The following CATSPERB variants were observed in gnomAD, a reference collection of about 807,000 sequenced individuals.
CATSPERB encodes the protein cation channel sperm-associated auxiliary subunit beta.
A neutral mutation model predicts 128.3 loss-of-function variants in CATSPERB; 93 were observed. That is an observed-to-expected ratio of 0.72 (90% CI 0.61 to 0.86). CATSPERB has a LOEUF of 0.86. CATSPERB is among the 40% of genes least tolerant of loss of function. The pLI is 0.00. For missense variants in CATSPERB, 1,153 were observed against 1,329.5 expected, an observed-to-expected ratio of 0.87 and a Z score of 2.06; for synonymous variants, 381 against 448.8, an observed-to-expected ratio of 0.85 and a Z score of 1.91.
chr14:91,648,708 C>T (rs1469974282), intron 15 of CATSPERB, among the ~76,000 whole-genome samples: 2 of 152,186 alleles, frequency 1.3e-5, no homozygotes, highest in Non-Finnish European at 2.9e-5. Flanking sequence ...ATGAACATTA[C>T]TGCCTCTGCT....
chr14:91,625,867 G>A (rs553845977), intron 17 of CATSPERB, among the ~76,000 whole-genome samples: 39 of 152,174 alleles, frequency 2.6e-4, no homozygotes, highest in Non-Finnish European at 4.6e-4. Context: ...GGCTCACACC[G>A]GTAATCCCAG....
chr14:91,663,719 C>T (rs1894929138), intron 14 of CATSPERB, among the ~76,000 whole-genome samples: 1 of 150,642 alleles, frequency 6.6e-6, no homozygotes, highest in South Asian at 2.1e-4. Flanking sequence ...TTTTCTAGGT[C>T]ATAATACAAG....
chr14:91,653,668 T>C (rs1894744212), intron 15 of CATSPERB, among the ~76,000 whole-genome samples: 1 of 152,126 alleles, frequency 6.6e-6, no homozygotes, highest in East Asian at 1.9e-4. Context: ...TTCACTATCA[T>C]GAGAATAGCA....
chr14:91,699,851 G>A (rs1342978712), intron 7 of CATSPERB, among the ~76,000 whole-genome samples: 1 of 151,690 alleles, frequency 6.6e-6, no homozygotes, highest in Non-Finnish European at 1.5e-5. Context: ...GGGATTACAG[G>A]CATGAGTCAC....
At chr14:91,663,169 G>C in intron 14 of CATSPERB, among the ~76,000 whole-genome samples, 1 of 152,004 alleles carries the variant, frequency 6.6e-6, no homozygotes, top group East Asian at 1.9e-4. Context: ...GTGAAGTTAA[G>C]AGACTCTGTG....
At chr14:91,715,140 T>C (rs1203740884) in intron 5 of CATSPERB, 1 of 152,134 alleles carries the variant, frequency 6.6e-6, no homozygotes, top group Non-Finnish European at 1.5e-5. Context: ...TGGTATACTT[T>C]TTTTTTTATG....
At chr14:91,591,824 A>G in intron 23 of CATSPERB, 68 bp downstream of exon 23, 1 of 1,052,970 alleles carries the variant, frequency 9.5e-7, no homozygotes, top group South Asian at 1.3e-5. Flanking sequence ...TGTTTAACCT[A>G]AAGGCACATT....
At chr14:91,702,315 A>G (rs529728484) in intron 7 of CATSPERB, among the ~76,000 whole-genome samples, 1 of 151,846 alleles carries the variant, frequency 6.6e-6, no homozygotes, top group Admixed American at 6.6e-5. Context: ...ATATGACAGC[A>G]GAGAGTGGAA....
chr14:91,605,388 G>T (rs780762383), intron 22 of CATSPERB: 1 of 564,298 alleles, frequency 1.8e-6, no homozygotes, highest in Non-Finnish European at 3.1e-6. Context: ...GTGGCTTTAA[G>T]ACTTTTTTCT....
intron 13 of CATSPERB, 131 bp from the exon 14 acceptor site, chr14:91,670,103 G>A (rs1895061938): frequency 1.3e-6 from 1 of 791,326 alleles, no homozygotes; most frequent in Non-Finnish European, 2.0e-6. Flanking sequence ...AGGATTAGCA[G>A]TAATTGTTAC....
At chr14:91,600,374 G>T (rs928624441) in intron 22 of CATSPERB, among the ~76,000 whole-genome samples, 1 of 152,172 alleles carries the variant, frequency 6.6e-6, no homozygotes, top group Non-Finnish European at 1.5e-5. Context: ...AAGACGTTGA[G>T]TATCTTTTCA....
chr14:91,645,775 G>A (rs1241707396), intron 15 of CATSPERB, among the ~76,000 whole-genome samples: 4 of 147,282 alleles, frequency 2.7e-5, no homozygotes, highest in Admixed American at 1.4e-4. Flanking sequence ...ACCTAAGCAA[G>A]CCTGGGCAAT....
intron 15 of CATSPERB, among the ~76,000 whole-genome samples, chr14:91,641,317 T>C (rs1176688513): frequency 4.0e-5 from 6 of 148,612 alleles, no homozygotes; most frequent in Non-Finnish European, 9.0e-5. Context: ...TGCCCATGCC[T>C]ATGTCCTGAA....
At chr14:91,592,237 C>T (rs931627895) in intron 22 of CATSPERB, 2 of 498,476 alleles carry the variant, frequency 4.0e-6, no homozygotes, top group Admixed American at 3.5e-5. Context: ...TGCCGTTCAC[C>T]TCGTGCAGTT....
chr14:91,700,016 G>A (rs1895620481), intron 7 of CATSPERB, among the ~76,000 whole-genome samples: 1 of 151,818 alleles, frequency 6.6e-6, no homozygotes, highest in Admixed American at 6.6e-5. Flanking sequence ...CATGTGCCAT[G>A]GTGGTTTGCT....
At chr14:91,701,945 T>G (rs1008414882) in intron 7 of CATSPERB, among the ~76,000 whole-genome samples, 3 of 151,704 alleles carry the variant, frequency 2.0e-5, no homozygotes, top group Non-Finnish European at 4.4e-5. Flanking sequence ...TTTAGGCAGT[T>G]GCAGCTTGAT....
At chr14:91,598,672 C>G in intron 22 of CATSPERB, among the ~76,000 whole-genome samples, 1 of 151,988 alleles carries the variant, frequency 6.6e-6, no homozygotes, top group South Asian at 2.1e-4. Flanking sequence ...TCCTGGCTAA[C>G]ATGGTGAAAC....
At chr14:91,588,108 C>T (rs1388079842) in intron 24 of CATSPERB, 30 bp from the exon 25 acceptor site, 4 of 1,404,844 alleles carry the variant, frequency 2.8e-6, no homozygotes, top group African/African-American at 1.4e-5. Context: ...ATTTTAAGCA[C>T]ACTTATTTTT....
At chr14:91,634,558 T>G (rs1894335043) in intron 17 of CATSPERB, among the ~76,000 whole-genome samples, 1 of 151,150 alleles carries the variant, frequency 6.6e-6, no homozygotes, top group Non-Finnish European at 1.5e-5. Context: ...ACAAGACATC[T>G]GAATACATAT....
Sources: allele counts gnomAD v4.1 joint callset (sites outside exome capture counted in the v4.1 genomes callset), GRCh38; gene constraint gnomAD v4.1.1; transcripts MANE v1.5; gene names NCBI Gene and HGNC (gene_info 2026-07-23, HGNC 2026-07-21).